Variants in RRP36 observed in about 807,000 individuals in gnomAD.
RRP36 encodes the protein ribosomal RNA processing 36.
A neutral mutation model predicts 39.8 loss-of-function variants in RRP36; 44 were observed. That is an observed-to-expected ratio of 1.10 (90% CI 0.87 to 1.42). The LOEUF (loss-of-function observed/expected upper bound fraction) is 1.42. Among genes scored for constraint, RRP36 ranks in the 40% most tolerant of loss-of-function variants. RRP36 has a pLI of 0.00. For missense variants in RRP36, 316 were observed against 322.4 expected, an observed-to-expected ratio of 0.98 and a Z score of 0.15; for synonymous variants, 124 against 123.1, an observed-to-expected ratio of 1.01 and a Z score of -0.05.
At chr6:43,023,006 C>T (rs1762754668) in intron 1 of RRP36, among the ~76,000 whole-genome samples, 1 of 152,172 alleles carries the variant, frequency 6.6e-6, no homozygotes, top group African/African-American at 2.4e-5. Flanking sequence ...CCTCAGCCTC[C>T]CAAGGATTAC....
intron 5 of RRP36, 48 bp downstream of exon 5, chr6:43,027,300 G>GA (rs780579285): frequency 6.2e-7 from 1 of 1,612,038 alleles, no homozygotes; most frequent in South Asian, 1.1e-5. Flanking sequence ...TTAAAGGTGG[G>GA]AGATATTCAC....
At position 43,027,192 on chromosome 6, in the gene RRP36, G is replaced by A. The variant is rs1229283570; in HGVS notation, c.465G>A (p.Gln155=). ...RAKEKELVKK[Q]LKKHLSGEEH... is the part of the protein sequence containing the mutation. ...CCAATGTGGAGCTTGTGAAAAAACA[G>A]TTGAAGAAGCACCTTTCAGGAGAGG... is the stretch of plus-strand genomic sequence containing the variant. The change falls in exon 5 of 7, where the codon CAG becomes CAA. Residue 155 remains glutamine, a synonymous_variant. Transcript: ENST00000244496. The A allele has an allele frequency of 8.7e-6, 14 of 1,614,150 alleles. No homozygotes were observed. The highest frequency in any genetic ancestry group is 1.7e-5 in the Admixed American group (1 of 60,016).
chr6:43,027,184 A>G lies in RRP36; in HGVS notation c.457A>G (p.Lys153Glu). The change falls in exon 5 of 7, where the codon AAA becomes GAA. Residue 153 changes from lysine (K) to glutamate (E), a missense_variant. Physicochemically the swap from Lys to Glu is moderately conservative, Grantham distance 56 (BLOSUM62 1). Transcript: ENST00000244496. ...CTCATTTTCCAATGTGGAGCTTGTG[A>G]AAAAACAGTTGAAGAAGCACCTTTC... ...DIRAKEKELVKKQLKKHLSGE... is the reference protein window; with the variant it reads ...DIRAKEKELVEKQLKKHLSGE... 6.2e-7 allele frequency: 1 copy of G among 1,613,908 alleles called. No individual in the cohort carries two copies. The highest frequency in any genetic ancestry group is 8.5e-7 in the Non-Finnish European group (1 of 1,179,820).
At chr6:43,027,907 C>T (rs991411435) in intron 6 of RRP36, among the ~76,000 whole-genome samples, 2 of 134,250 alleles carry the variant, frequency 1.5e-5, no homozygotes, top group East Asian at 2.1e-4. Flanking sequence ...TCTTGGTCTA[C>T]ACACACACAC....
In RRP36 at chr6:43,025,301, T is replaced by A; in HGVS notation, c.317T>A (p.Leu106Ter). 1 of 1,614,036 alleles carries A rather than the reference T, an allele frequency of 6.2e-7. No homozygotes were observed. Among genetic ancestry groups the A allele is most frequent in the Non-Finnish European group, 8.5e-7 (1 of 1,180,042 alleles). The change falls in exon 3 of 7, where the codon TTA becomes TAA. Residue 106 changes from leucine (L) to a stop codon, truncating the protein, a stop_gained. Transcript: ENST00000244496. LOFTEE classifies it high-confidence loss of function. ...TCAGCCAAGATCCGAGTACCATTTT[T>A]ACGTCAGGTTGTTCCCATTAGTAAA... ...EMSAKIRVPF[L>*]RQVVPISKKV... is the part of the protein sequence containing the mutation.
chr6:43,025,448 CCCTGT>C, intron 3 of RRP36, 119 bp downstream of exon 3: 1 of 825,870 alleles, frequency 1.2e-6, no homozygotes, highest in East Asian at 2.6e-5. Flanking sequence ...CATGGTGAAA[CCCTGT>C]CTCTACTAAA....
intron 1 of RRP36, among the ~76,000 whole-genome samples, chr6:43,022,734 G>T (rs1003933042): frequency 6.7e-6 from 1 of 148,204 alleles, no homozygotes; most frequent in Non-Finnish European, 1.5e-5. Flanking sequence ...CCGTGTTTAC[G>T]CCATTCTCCT....
Position 43,024,838 on chromosome 6 carries a change from A to AT in RRP36, c.131-146dup, listed in dbSNP as rs1762782283. On this transcript the variant is annotated intron_variant, in intron 1 of 6. Coordinates refer to ENST00000244496, the MANE Select transcript of RRP36 (RefSeq NM_033112.4). The stretch of plus-strand genomic sequence containing the variant: ...TGAAATAGTTGGAGAGTTTAACACT[A>AT]TCACAGCCTCTGCTGCCTAGGACTT... 9 of 977,102 alleles carry AT rather than the reference A, an allele frequency of 9.2e-6. No individual in the cohort carries two copies. The South Asian group carries it at 1.5e-4, about 16-fold the overall frequency. The allele number at this position is 977,102 out of a possible 1,614,324, so 60.5% of individuals were successfully genotyped here. A position where few individuals can be genotyped will look rare whatever the true frequency, so the allele number is the denominator to read the frequency against.
intron 1 of RRP36, among the ~76,000 whole-genome samples, chr6:43,023,995 T>C (rs1762770584): frequency 6.6e-6 from 1 of 151,886 alleles, no homozygotes; most frequent in Non-Finnish European, 1.5e-5. Flanking sequence ...TAGCTGGGAT[T>C]ACAGGCACCT....
In RRP36 at chr6:43,025,324, A is replaced by G; in HGVS notation, c.340A>G (p.Lys114Glu). 6.2e-7 allele frequency: 1 copy of G among 1,613,432 alleles called. No individual in the cohort carries two copies. Among genetic ancestry groups the G allele is most frequent in the Non-Finnish European group, 8.5e-7 (1 of 1,179,986 alleles). The change falls in exon 3 of 7, where the codon AAA becomes GAA. Residue 114 changes from lysine (K) to glutamate (E), a missense_variant. Physicochemically the swap from Lys to Glu is moderately conservative, Grantham distance 56. Transcript: ENST00000244496. ...TTTACGTCAGGTTGTTCCCATTAGT[A>G]AAAAGGTAAGGAAGAAGGCCAGGCA... Reference protein sequence around the residue: ...PFLRQVVPISKKVARDPRFDD... With the variant: ...PFLRQVVPISEKVARDPRFDD...
intron 3 of RRP36, 96 bp from the exon 4 acceptor site, chr6:43,025,939 CAA>C: frequency 2.3e-6 from 2 of 871,806 alleles, no homozygotes; most frequent in Non-Finnish European, 1.8e-6. Context: ...TCTCAAAAAG[CAA>C]AAAAAAAGAA....
At chr6:43,027,290 T>A in intron 5 of RRP36, 38 bp downstream of exon 5, 11 of 1,612,774 alleles carry the variant, frequency 6.8e-6, no homozygotes, top group Non-Finnish European at 9.3e-6. Flanking sequence ...ATGAAAGCAA[T>A]TAAAGGTGGG....
intron 6 of RRP36, 35 bp downstream of exon 6, chr6:43,027,512 G>C: frequency 1.3e-6 from 2 of 1,549,502 alleles, no homozygotes; most frequent in Non-Finnish European, 1.8e-6. Context: ...ACAGGGACAG[G>C]GGTGCAGGGG....
Position 43,025,739 on chromosome 6 carries a change from A to G in RRP36, c.346-298A>G, listed in dbSNP as rs193035903. Among the ~76,000 whole-genome samples, 1,002 of 151,700 alleles carry G rather than the reference A, an allele frequency of 6.6e-3. 12 individuals are homozygous for G. Among genetic ancestry groups the G allele is most frequent in the African/African-American group, 0.021 (866 of 41,374 alleles). On this transcript the variant is annotated intron_variant, in intron 3 of 6. Coordinates refer to ENST00000244496, the MANE Select transcript of RRP36 (RefSeq NM_033112.4). ...GAGGTCAGGAGATTGAGACCATCCT[A>G]GCTAACACAGTGAAACCCCGTCTCT... is the stretch of plus-strand genomic sequence containing the variant.
intron 1 of RRP36, among the ~76,000 whole-genome samples, 165 bp from the exon 2 acceptor site, chr6:43,024,819 AG>A (rs1762781965): frequency 6.6e-6 from 1 of 152,224 alleles, no homozygotes; most frequent in African/African-American, 2.4e-5. Context: ...TTGCTGAAAT[AG>A]TTGGAGAGTT....
intron 6 of RRP36, among the ~76,000 whole-genome samples, chr6:43,028,507 G>A (rs1005533311): frequency 4.0e-5 from 6 of 151,370 alleles, no homozygotes; most frequent in Non-Finnish European, 8.8e-5. Flanking sequence ...AATTAGCTGG[G>A]TGTGGTGCTG....
chr6:43,025,749 G>T (rs1409320131), intron 3 of RRP36, among the ~76,000 whole-genome samples: 1 of 151,848 alleles, frequency 6.6e-6, no homozygotes, highest in Non-Finnish European at 1.5e-5. Context: ...AGCTAACACA[G>T]TGAAACCCCG....
chr6:43,025,856 T>A (rs1762804819), intron 3 of RRP36, among the ~76,000 whole-genome samples, 181 bp from the exon 4 acceptor site: 1 of 151,606 alleles, frequency 6.6e-6, no homozygotes, highest in Admixed American at 6.6e-5. Flanking sequence ...TGGTGTGAAC[T>A]TGGGAGGCAC....
At chr6:43,025,892 C>G (rs767810091) in intron 3 of RRP36, 145 bp from the exon 4 acceptor site, 10 of 514,316 alleles carry the variant, frequency 1.9e-5, no homozygotes, top group Non-Finnish European at 3.5e-5. Context: ...GAGATTGCAC[C>G]ACTGCACTCC....
Sources: gnomAD v4.1 joint callset for allele counts (sites outside exome capture counted in the v4.1 genomes callset) on GRCh38, gnomAD v4.1.1 for gene constraint, MANE v1.5 for transcripts, NCBI Gene and HGNC (gene_info 2026-07-23, HGNC 2026-07-21) for gene names.